The following DYNC1I1 variants were observed in gnomAD, a reference collection of about 807,000 sequenced individuals.
The protein encoded by DYNC1I1 is dynein cytoplasmic 1 intermediate chain 1, also known as cytoplasmic dynein 1 intermediate chain 1.
DYNC1I1 carries 43 observed loss-of-function variants against 86.6 expected under a neutral mutation model. The observed-to-expected ratio is 0.50, with a 90% CI of 0.39 to 0.64. DYNC1I1 has a LOEUF of 0.64. Among genes scored for constraint, DYNC1I1 ranks in the 30% least tolerant of loss-of-function variants. The pLI, the probability that DYNC1I1 is intolerant of heterozygous loss-of-function variation, is 0.00. For missense variants in DYNC1I1, 604 were observed against 788.8 expected (o/e 0.77, Z 2.81); for synonymous variants, 262 against 283.7 (o/e 0.92, Z 0.77).
intron 9 of DYNC1I1, 36 bp downstream of exon 9, chr7:95,987,191 T>G (rs764191467): frequency 6.5e-7 from 1 of 1,537,624 alleles, no homozygotes; most frequent in Non-Finnish European, 9.0e-7. Context: ...AAACTGGGCT[T>G]GTGTTCTCGT....
At chr7:95,826,029 A>C (rs949882055) in intron 4 of DYNC1I1, among the ~76,000 whole-genome samples, 2 of 152,214 alleles carry the variant, frequency 1.3e-5, no homozygotes, top group African/African-American at 4.8e-5. Context: ...AAGTCAAGTC[A>C]TTGCTGCTCA....
chr7:95,918,946 G>C (rs1791540007), intron 6 of DYNC1I1, among the ~76,000 whole-genome samples: 1 of 152,118 alleles, frequency 6.6e-6, no homozygotes, highest in Non-Finnish European at 1.5e-5. Context: ...CTTCTTAAAA[G>C]AGTACTTCTC....
chr7:96,025,397 A>C (rs998502945), intron 10 of DYNC1I1, among the ~76,000 whole-genome samples: 14 of 152,158 alleles, frequency 9.2e-5, no homozygotes, highest in African/African-American at 2.7e-4. Context: ...GAAATTGATG[A>C]ACATAACTAT....
intron 10 of DYNC1I1, among the ~76,000 whole-genome samples, chr7:95,999,696 G>A: frequency 6.6e-6 from 1 of 152,112 alleles, no homozygotes; most frequent in Non-Finnish European, 1.5e-5. Context: ...TGGTGGTTAG[G>A]ACAGGGACAG....
chr7:96,109,952 A>T (rs1331121955), intron 16 of DYNC1I1: 3 of 288,062 alleles, frequency 1.0e-5, no homozygotes, highest in Non-Finnish European at 1.4e-5. Context: ...TTTTCTGCCT[A>T]CCTTTTTTTT....
chr7:95,955,104 A>G (rs1195383858), intron 6 of DYNC1I1, among the ~76,000 whole-genome samples: 1 of 152,118 alleles, frequency 6.6e-6, no homozygotes, highest in Non-Finnish European at 1.5e-5. Flanking sequence ...ACAAATTTTT[A>G]TAGGGATTTA....
At chr7:96,104,401 G>T (rs1791183530) in intron 16 of DYNC1I1, among the ~76,000 whole-genome samples, 1 of 151,952 alleles carries the variant, frequency 6.6e-6, no homozygotes, top group African/African-American at 2.4e-5. Flanking sequence ...CCATTTTTAT[G>T]TTTTATACTT....
At chr7:95,777,765 A>G (rs1359961372) in intron 1 of DYNC1I1, among the ~76,000 whole-genome samples, 1 of 152,144 alleles carries the variant, frequency 6.6e-6, no homozygotes, top group Non-Finnish European at 1.5e-5. Context: ...ATAGAGGACG[A>G]TTGTACTTGA....
intron 10 of DYNC1I1, among the ~76,000 whole-genome samples, chr7:95,996,333 A>T (rs1793866995): frequency 6.6e-6 from 1 of 152,168 alleles, no homozygotes; most frequent in East Asian, 1.9e-4. Context: ...GTTTATAAAG[A>T]CCTCGCACTT....
chr7:95,931,666 G>A (rs1906555), intron 6 of DYNC1I1, among the ~76,000 whole-genome samples: 50,309 of 151,862 alleles, frequency 0.33, 10,154 homozygotes, highest in Non-Finnish European at 0.45. Context: ...ACACAGCCAC[G>A]CCCATTTATT....
intron 4 of DYNC1I1, among the ~76,000 whole-genome samples, chr7:95,826,327 G>T (rs1394077666): frequency 1.3e-5 from 2 of 152,092 alleles, no homozygotes; most frequent in African/African-American, 4.8e-5. Flanking sequence ...CTGCAGGAGG[G>T]GTTAATATGT....
intron 14 of DYNC1I1, among the ~76,000 whole-genome samples, chr7:96,044,087 G>A (rs1440716188): frequency 6.6e-6 from 1 of 152,150 alleles, no homozygotes; most frequent in Admixed American, 6.6e-5. Flanking sequence ...TATGATATTA[G>A]GGATTTGCTT....
intron 14 of DYNC1I1, among the ~76,000 whole-genome samples, chr7:96,066,052 C>T (rs1026046979): frequency 1.3e-5 from 2 of 152,256 alleles, no homozygotes; most frequent in East Asian, 1.9e-4. Flanking sequence ...ATACCCAAGA[C>T]TTTTCATAAC....
intron 6 of DYNC1I1, among the ~76,000 whole-genome samples, chr7:95,920,449 A>C (rs572313115): frequency 5.6e-4 from 85 of 152,338 alleles, no homozygotes; most frequent in African/African-American, 1.9e-3. Context: ...CAGAAGAAGG[A>C]CATTAGGTAA....
chr7:96,026,829 C>T (rs182922320), intron 10 of DYNC1I1, among the ~76,000 whole-genome samples: 1 of 152,124 alleles, frequency 6.6e-6, no homozygotes, highest in Non-Finnish European at 1.5e-5. Flanking sequence ...TCCTCTCCCC[C>T]TCCCTAACTA....
intron 16 of DYNC1I1, among the ~76,000 whole-genome samples, chr7:96,087,620 C>T (rs1042073801): frequency 2.0e-5 from 3 of 152,138 alleles, no homozygotes; most frequent in Admixed American, 6.5e-5. Context: ...AAGACTTAGG[C>T]GTAAATTCTT....
chr7:95,854,455 CTG>C (rs1449917030), intron 5 of DYNC1I1, among the ~76,000 whole-genome samples: 2 of 152,122 alleles, frequency 1.3e-5, no homozygotes, highest in Admixed American at 1.3e-4. Context: ...CATTTTGACT[CTG>C]TGTCACAATA....
chr7:96,016,032 TAGAAAA>T (rs1229457204), intron 10 of DYNC1I1, among the ~76,000 whole-genome samples: 1 of 152,160 alleles, frequency 6.6e-6, no homozygotes, highest in African/African-American at 2.4e-5. Context: ...TCTAGGCAGA[TAGAAAA>T]AGACAAATCT....
intron 6 of DYNC1I1, among the ~76,000 whole-genome samples, chr7:95,957,725 C>T (rs571629059): frequency 1.3e-5 from 2 of 152,312 alleles, no homozygotes; most frequent in East Asian, 3.9e-4. Context: ...ACATCTGCAG[C>T]AGGAAAGTGT....
Sources: gnomAD v4.1 joint callset for allele counts (sites outside exome capture counted in the v4.1 genomes callset) on GRCh38, gnomAD v4.1.1 for gene constraint, MANE v1.5 for transcripts, NCBI Gene and HGNC (gene_info 2026-07-23, HGNC 2026-07-21) for gene names.